RNF126: variants seen among roughly 807,000 people sequenced by gnomAD.
RNF126 encodes the protein E3 ubiquitin-protein ligase RNF126.
In RNF126, 20 loss-of-function variants were observed where a neutral mutation model predicts 41.9. The observed-to-expected ratio is 0.48, with a 90% CI of 0.34 to 0.69. The LOEUF (loss-of-function observed/expected upper bound fraction) is 0.69, where lower values mean the gene tolerates loss of function less well. RNF126 is among the 30% of genes least tolerant of loss of function. The pLI, the probability that RNF126 is intolerant of heterozygous loss-of-function variation, is 0.01. For missense variants in RNF126, 433 were observed against 460.6 expected (o/e 0.94, Z 0.55); for synonymous variants, 239 against 202.9 (o/e 1.18, Z -1.51).
rs572768948 is a variant in RNF126 at position 649,142 on chromosome 19, C to T, written c.577-167G>A. 1.2e-4 allele frequency: 47 copies of T among 393,988 alleles called. 1 individual carries two copies. In the South Asian group the frequency reaches 1.9e-3, roughly 16 times the overall value. The allele number at this position is 393,988 out of a possible 1,614,324, so 24.4% of individuals were successfully genotyped here. ...GAGATCACTGTGGAGCCCACGCGGC[C>T]CCCCCGCTCCTGGGTCCCCTGACGG... is the stretch of plus-strand genomic sequence containing the variant. On this transcript the variant is annotated intron_variant, in intron 6 of 8. Coordinates refer to ENST00000292363, the MANE Select transcript of RNF126 (RefSeq NM_194460.3).
chr19:648,842 G>T, intron 7 of RNF126, 40 bp downstream of exon 7: 1 of 1,203,028 alleles, frequency 8.3e-7, no homozygotes. Flanking sequence ...GGCGGCGGGT[G>T]CCTGTAATTC....
chr19:648,363 G>T lies in RNF126; in HGVS notation c.786+9C>A. On this transcript the variant is annotated intron_variant, in intron 8 of 8. Coordinates refer to ENST00000292363, the MANE Select transcript of RNF126 (RefSeq NM_194460.3). Reference sequence around the variant, plus strand: ...TCGGGGTGGGGGGGCGGGTGGGCGGGGCACTCACCTGCTCCAGCCAGGGCA... The same window carrying T: ...TCGGGGTGGGGGGGCGGGTGGGCGGTGCACTCACCTGCTCCAGCCAGGGCA... The T allele has an allele frequency of 1.9e-6, 1 of 516,660 alleles. No individual in the cohort carries two copies. Among genetic ancestry groups the T allele is most frequent in the Non-Finnish European group, 3.5e-6 (1 of 283,336 alleles). The allele number at this position is 516,660 out of a possible 1,614,324, so 32.0% of individuals were successfully genotyped here. A position where few individuals can be genotyped will look rare whatever the true frequency, so the allele number is the denominator to read the frequency against.
At chr19:661,001 T>C (rs1286120720) in intron 1 of RNF126, among the ~76,000 whole-genome samples, 1 of 152,224 alleles carries the variant, frequency 6.6e-6, no homozygotes, top group Non-Finnish European at 1.5e-5. Context: ...CCAACGTCCA[T>C]GATTAAATAT....
In RNF126 at chr19:659,309, G is replaced by A. The variant is rs1460000128; in HGVS notation, c.75+3738C>T. ...AGACTTCCCGCCTGGCCCCATCAGTGACACTGGCCGTAGCAGCCCTCACTT... is the reference window on the plus strand; with the variant it reads ...AGACTTCCCGCCTGGCCCCATCAGTAACACTGGCCGTAGCAGCCCTCACTT... On this transcript the variant is annotated intron_variant, in intron 1 of 8. Transcript: ENST00000292363. This position sits in a 1 kb window ranked among gnomAD's most constrained non-coding sequence, Gnocchi z 4.9. Among the ~76,000 whole-genome samples, 2 of 152,132 alleles carry A rather than the reference G, an allele frequency of 1.3e-5. No homozygotes were observed. The highest frequency in any genetic ancestry group is 4.8e-5 in the African/African-American group (2 of 41,430).
In RNF126 at chr19:648,364, G is replaced by GGGGGGGGGGGGGGGGGGGCCCCC; in HGVS notation, c.786+7_786+8insGGGGGCCCCCCCCCCCCCCCCCC. ...CGGGGTGGGGGGGCGGGTGGGCGGG[G>GGGGGGGGGGGGGGGGGGGCCCCC]CACTCACCTGCTCCAGCCAGGGCAC... On this transcript the variant is annotated splice_region_variant and intron_variant, in intron 8 of 8. Coordinates refer to ENST00000292363, the MANE Select transcript of RNF126 (RefSeq NM_194460.3). 1 of 510,490 alleles carries GGGGGGGGGGGGGGGGGGGCCCCC rather than the reference G, an allele frequency of 2.0e-6. No individual in the cohort carries two copies. The highest frequency in any genetic ancestry group is 6.4e-5 in the East Asian group (1 of 15,576). 31.6% of individuals were successfully genotyped at this position (510,490 alleles called of 1,614,324 possible).
intron 1 of RNF126, among the ~76,000 whole-genome samples, chr19:656,914 G>A (rs989958786): frequency 5.3e-5 from 8 of 152,160 alleles, no homozygotes; most frequent in South Asian, 2.1e-4. Context: ...GCCGCCGTCC[G>A]CCCGCCAGCT....
At chr19:649,477 G>A in intron 6 of RNF126, 1 of 582,022 alleles carries the variant, frequency 1.7e-6, no homozygotes, top group Non-Finnish European at 3.1e-6. Context: ...GTGAACACAG[G>A]AGAACCCCCA....
Position 648,075 on chromosome 19 carries a change from TG to T in RNF126, c.*52del. 6.7e-7 allele frequency: 1 copy of T among 1,497,420 alleles called. No homozygotes were observed. Among genetic ancestry groups the T allele is most frequent in the South Asian group, 1.3e-5 (1 of 75,152 alleles). The allele number at this position is 1,497,420 out of a possible 1,614,324, so 92.8% of individuals were successfully genotyped here. A position where few individuals can be genotyped will look rare whatever the true frequency, so the allele number is the denominator to read the frequency against. On this transcript the variant is annotated 3_prime_UTR_variant, in exon 9 of 9. Transcript: ENST00000292363. ...CCAGTCTGTGGGTGCCGTGTGGCGC[TG>T]GCTGAGGGTGGGTGGGAAAGGCCCC...
rs1024478331 is a variant in RNF126, at chr19:653,914, C to T, written c.76-1030G>A. ...ACAGACAAAAACAGGAGACAAGGCT[C>T]CCACCGTGCATGGGGGAGTGCTGTG... On this transcript the variant is annotated intron_variant, in intron 1 of 8. Transcript: ENST00000292363. 3.9e-5 allele frequency among the ~76,000 whole-genome samples: 6 copies of T among 152,246 alleles called. No homozygotes were observed. In the East Asian group the frequency reaches 1.2e-3, roughly 29 times the overall value.
At chr19:662,356 T>A (rs2030841435) in intron 1 of RNF126, among the ~76,000 whole-genome samples, 1 of 151,776 alleles carries the variant, frequency 6.6e-6, no homozygotes, top group Non-Finnish European at 1.5e-5. Context: ...TCCTCTTCGG[T>A]GAGGGGCGGC....
rs149774599 is a variant in RNF126, at chr19:654,369, G to A, written c.76-1485C>T. Among the ~76,000 whole-genome samples, 860 of 152,356 alleles carry A rather than the reference G, an allele frequency of 5.6e-3. 12 individuals are homozygous for A. The highest frequency in any genetic ancestry group is 0.02 in the African/African-American group (813 of 41,584). ...GGCACGCTCCGCCATCACCGGGGGCGCGGTGGCTCAGGCCTGTAATCCTGG... is the reference window on the plus strand; with the variant it reads ...GGCACGCTCCGCCATCACCGGGGGCACGGTGGCTCAGGCCTGTAATCCTGG... On this transcript the variant is annotated intron_variant, in intron 1 of 8. Coordinates refer to ENST00000292363, the MANE Select transcript of RNF126 (RefSeq NM_194460.3).
intron 2 of RNF126, 98 bp downstream of exon 2, chr19:652,728 C>T (rs2030376123): frequency 8.9e-7 from 1 of 1,118,992 alleles, no homozygotes; most frequent in Non-Finnish European, 1.3e-6. Flanking sequence ...GCCTGACGGC[C>T]CCACACTCGG....
chr19:651,526 C>T lies in RNF126; in HGVS notation c.443+85G>A, dbSNP rs569436579. On this transcript the variant is annotated intron_variant, in intron 4 of 8. Coordinates refer to ENST00000292363, the MANE Select transcript of RNF126 (RefSeq NM_194460.3). ...GAGCCTATGGATGATGCCACGTTTC[C>T]GTGGAACCCGTGCTGGATTCTAAGC... The T allele has an allele frequency of 4.1e-4, 534 of 1,306,122 alleles. 2 individuals carry two copies. The highest frequency in any genetic ancestry group is 3.4e-3 in the South Asian group (185 of 55,192). The allele number at this position is 1,306,122 out of a possible 1,614,324, so 80.9% of individuals were successfully genotyped here.
chr19:650,642 G>C (rs201382085), intron 4 of RNF126: 1 of 158,828 alleles, frequency 6.3e-6, no homozygotes, highest in East Asian at 1.7e-4. Flanking sequence ...GCCCAGGCTG[G>C]AGTGCAATGG....
intron 1 of RNF126, among the ~76,000 whole-genome samples, chr19:657,031 C>T (rs1031272718): frequency 6.6e-6 from 1 of 152,170 alleles, no homozygotes; most frequent in Non-Finnish European, 1.5e-5. Context: ...GCTAGCACCA[C>T]CCAGTGGACC....
intron 6 of RNF126, 40 bp from the exon 7 acceptor site, chr19:649,015 G>A: frequency 1.9e-6 from 2 of 1,044,732 alleles, no homozygotes; most frequent in Non-Finnish European, 2.6e-6. Flanking sequence ...GCTCCTCGGG[G>A]GCCCGGCCCG....
At chr19:652,117 A>T in intron 3 of RNF126, 116 bp downstream of exon 3, 1 of 952,726 alleles carries the variant, frequency 1.0e-6, no homozygotes, top group Non-Finnish European at 1.5e-6. Context: ...TGGAGGGAAA[A>T]ATTTCCTCCG....
chr19:648,734 C>T (rs920723803), intron 7 of RNF126, 148 bp downstream of exon 7: 16 of 644,050 alleles, frequency 2.5e-5, no homozygotes, highest in Middle Eastern at 4.3e-4. Flanking sequence ...TTTGGGAGGC[C>T]GAGGCAGGAG....
rs1271196488 is a variant in RNF126, at chr19:651,452, G to T, written c.443+159C>A. On this transcript the variant is annotated intron_variant, in intron 4 of 8. Transcript: ENST00000292363. ...CATACTTCTGTCTCCGAAGGGCCGT[G>T]TGGGGAGTCACAGGGGGCTGGAGGG... 6.4e-6 allele frequency: 4 copies of T among 622,810 alleles called. No individual in the cohort carries two copies. The African/African-American group carries it at 7.9e-5, about 12-fold the overall frequency. 38.6% of individuals were successfully genotyped at this position (622,810 alleles called of 1,614,324 possible).
Sources: allele counts gnomAD v4.1 joint callset (sites outside exome capture counted in the v4.1 genomes callset), GRCh38; gene constraint gnomAD v4.1.1; non-coding constraint Gnocchi (gnomAD v3.1); transcripts MANE v1.5; gene names NCBI Gene and HGNC (gene_info 2026-07-23, HGNC 2026-07-21).